Variants in WDR75 observed in about 807,000 individuals in gnomAD.
The protein encoded by WDR75 is WD repeat domain 75.
Under a neutral mutation model 106.1 loss-of-function variants are expected in WDR75, and 52 were observed. The observed-to-expected ratio is 0.49, with a 90% confidence interval of 0.39 to 0.62. WDR75 has a LOEUF of 0.62. Among genes scored for constraint, WDR75 ranks in the 20% least tolerant of loss-of-function variants. The pLI is 0.00. For missense variants in WDR75, 905 were observed against 970.3 expected, an observed-to-expected ratio of 0.93 and a Z score of 0.89; for synonymous variants, 333 against 335.5, an observed-to-expected ratio of 0.99 and a Z score of 0.08.
intron 8 of WDR75, among the ~76,000 whole-genome samples, chr2:189,461,633 T>C (rs1239644042): frequency 1.3e-5 from 2 of 152,218 alleles, no homozygotes; most frequent in African/African-American, 4.8e-5. Flanking sequence ...AATTTACTTA[T>C]TCCATAAGTT....
intron 2 of WDR75, chr2:189,449,326 C>T (rs10196323): frequency 0.042 from 54,135 of 1,299,866 alleles, 1,576 homozygotes; most frequent in African/African-American, 0.14. Flanking sequence ...AAAGTAGCAC[C>T]GATCTTTTCT....
chr2:189,470,051 T>C (rs1687086348), intron 16 of WDR75, 25 bp from the exon 17 acceptor site: 4 of 1,603,316 alleles, frequency 2.5e-6, no homozygotes, highest in East Asian at 2.2e-5. Context: ...CAAAATGTTA[T>C]TGTTTCTTTG....
At chr2:189,458,064 T>C (rs114524131) in intron 6 of WDR75, among the ~76,000 whole-genome samples, 9,811 of 151,652 alleles carry the variant, frequency 0.065, 492 homozygotes, top group African/African-American at 0.14. Flanking sequence ...GCTGGGACTA[T>C]AGGCGTCTGC....
chr2:189,442,861 G>T (rs10193669), intron 1 of WDR75, among the ~76,000 whole-genome samples: 9,861 of 152,206 alleles, frequency 0.065, 500 homozygotes, highest in African/African-American at 0.14. Context: ...AATGAGTCCT[G>T]TGGCTTTGTT....
Position 189,459,409 on chromosome 2 carries a change from G to T in WDR75, c.763G>T (p.Ala255Ser), listed in dbSNP as rs779921571. ...GCACCATGATATGGTTATGGATTTG[G>T]CTTTTTCAGTGACAGGTAAGTGCGG... ...HWHHDMVMDL[A>S]FSVTGTSLLS... The change falls in exon 8 of 21, where the codon GCT (alanine) becomes TCT (serine). Residue 255 changes from alanine (A) to serine (S), a missense_variant. Physicochemically the swap from Ala to Ser is moderately conservative, Grantham distance 99. Coordinates refer to ENST00000314761, the MANE Select transcript of WDR75 (RefSeq NM_032168.3). 23 of 1,611,726 alleles carry T rather than the reference G, an allele frequency of 1.4e-5. No individual in the cohort carries two copies. Among genetic ancestry groups the T allele is most frequent in the Non-Finnish European group, 2.0e-5 (23 of 1,179,294 alleles).
intron 14 of WDR75, 88 bp downstream of exon 14, chr2:189,467,736 CA>C (rs750361744): frequency 2.4e-6 from 3 of 1,252,642 alleles, no homozygotes; most frequent in Admixed American, 2.9e-5. Context: ...ATGCCCTCTC[CA>C]AAAGTAGCCT....
intron 4 of WDR75, among the ~76,000 whole-genome samples, chr2:189,454,725 G>A (rs138726519): frequency 0.045 from 6,878 of 151,836 alleles, 194 homozygotes; most frequent in African/African-American, 0.069. Context: ...GGGTTTCACC[G>A]TGTTAGCCAG....
intron 1 of WDR75, among the ~76,000 whole-genome samples, chr2:189,445,752 T>TA (rs1686486013): frequency 6.6e-6 from 1 of 152,224 alleles, no homozygotes; most frequent in South Asian, 2.1e-4. Flanking sequence ...AGGTGAAGCG[T>TA]ATGCAGGAAC....
intron 1 of WDR75, among the ~76,000 whole-genome samples, chr2:189,442,679 GCCTCAAGTGAT>G (rs1686407327): frequency 6.6e-6 from 1 of 151,950 alleles, no homozygotes. Context: ...GGAACTCCTG[GCCTCAAGTGAT>G]CTGCCCACCT....
chr2:189,470,641 A>G (rs1687097334), intron 17 of WDR75, among the ~76,000 whole-genome samples, 178 bp from the exon 18 acceptor site: 1 of 151,888 alleles, frequency 6.6e-6, no homozygotes, highest in Non-Finnish European at 1.5e-5. Flanking sequence ...CTCAGACATA[A>G]TCTTGTAACT....
chr2:189,469,037 T>C (rs1366756389), intron 15 of WDR75, among the ~76,000 whole-genome samples: 1 of 152,172 alleles, frequency 6.6e-6, no homozygotes, highest in Admixed American at 6.5e-5. Flanking sequence ...ATGGTAACTT[T>C]TTTCAGTATT....
intron 18 of WDR75, among the ~76,000 whole-genome samples, chr2:189,473,654 C>T (rs929329176): frequency 6.6e-6 from 1 of 152,164 alleles, no homozygotes; most frequent in Non-Finnish European, 1.5e-5. Context: ...AGACTTTCCA[C>T]CAGCCCGTCT....
At chr2:189,456,193 A>G (rs1052937231) in intron 5 of WDR75, among the ~76,000 whole-genome samples, 2 of 152,192 alleles carry the variant, frequency 1.3e-5, no homozygotes, top group East Asian at 1.9e-4. Context: ...AATAAATACT[A>G]ATTAAAACCG....
At chr2:189,460,446 C>A (rs554935321) in intron 8 of WDR75, among the ~76,000 whole-genome samples, 1 of 151,964 alleles carries the variant, frequency 6.6e-6, no homozygotes, top group African/African-American at 2.4e-5. Context: ...CCACTCCACA[C>A]CCTCAAAATA....
intron 18 of WDR75, among the ~76,000 whole-genome samples, chr2:189,471,705 C>A (rs1379549579): frequency 6.6e-6 from 1 of 152,074 alleles, no homozygotes; most frequent in Non-Finnish European, 1.5e-5. Flanking sequence ...ACCTGCTACA[C>A]AGTAGTCATC....
chr2:189,445,640 G>C (rs926506476), intron 1 of WDR75, among the ~76,000 whole-genome samples: 1 of 151,904 alleles, frequency 6.6e-6, no homozygotes, highest in African/African-American at 2.4e-5. Context: ...AAAGTGAAGA[G>C]CTCCAAATAA....
rs759840773 is a variant in WDR75, at chr2:189,465,163, A to G, written c.1198A>G (p.Asn400Asp). ...LTKAAFGCFG[N>D]WLATVEQRQE... is the part of the protein sequence containing the mutation. ...AAAGGCTGCATTTGGCTGCTTTGGT[A>G]ACTGGCTTGCAACAGTGGAACAGCG... The change falls in exon 12 of 21, where the codon AAC becomes GAC. Residue 400 changes from asparagine (N) to aspartate (D), a missense_variant. Physicochemically the swap from Asn to Asp is conservative, Grantham distance 23. Coordinates refer to ENST00000314761, the MANE Select transcript of WDR75 (RefSeq NM_032168.3). 2 of 1,613,332 alleles carry G rather than the reference A, an allele frequency of 1.2e-6. No homozygotes were observed. Among genetic ancestry groups the G allele is most frequent in the Non-Finnish European group, 1.7e-6 (2 of 1,179,466 alleles).
Position 189,470,197 on chromosome 2 carries a change from T to A in WDR75, c.1941T>A (p.Ala647=). 6.2e-7 allele frequency: 1 copy of A among 1,613,346 alleles called. No homozygotes were observed. Among genetic ancestry groups the A allele is most frequent in the Non-Finnish European group, 8.5e-7 (1 of 1,179,520 alleles). The change falls in exon 17 of 21, where the codon GCT becomes GCA. Residue 647 remains alanine (A), a synonymous_variant. Coordinates refer to ENST00000314761, the MANE Select transcript of WDR75 (RefSeq NM_032168.3). ...TCCCTGAATCCTTCACCTCAGAAGC[T>A]TACCAGTGGCTAAATAGATCCCAGT... ...RDVPESFTSE[A]YQWLNRSQFY... is the part of the protein sequence containing the mutation.
At chr2:189,473,874 CTCATT>C (rs1220498461) in intron 18 of WDR75, among the ~76,000 whole-genome samples, 1 of 152,170 alleles carries the variant, frequency 6.6e-6, no homozygotes, top group East Asian at 1.9e-4. Flanking sequence ...GGCCTTTTCC[CTCATT>C]TTCTATCATT....
Sources: allele counts gnomAD v4.1 joint callset (sites outside exome capture counted in the v4.1 genomes callset), GRCh38; gene constraint gnomAD v4.1.1; transcripts MANE v1.5; gene names NCBI Gene and HGNC (gene_info 2026-07-23, HGNC 2026-07-21).